CPNE4: variants seen among roughly 807,000 people sequenced by gnomAD.
The protein encoded by CPNE4 is copine-4.
Under a neutral mutation model 67.9 loss-of-function variants are expected in CPNE4, and 25 were observed. The ratio of observed to expected loss-of-function variants is 0.37; its 90% confidence interval spans 0.27 to 0.51. CPNE4 has a LOEUF of 0.51. Among genes scored for constraint, CPNE4 ranks in the 20% least tolerant of loss-of-function variants. The pLI, the probability that CPNE4 is intolerant of heterozygous loss-of-function variation, is 0.93. For missense variants in CPNE4, 464 were observed against 690.8 expected (o/e 0.67, Z 3.68); for synonymous variants, 242 against 244.9 (o/e 0.99, Z 0.11).
chr3:131,777,935 A>G (rs542493028), intron 2 of CPNE4, among the ~76,000 whole-genome samples: 54 of 152,096 alleles, frequency 3.6e-4, no homozygotes, highest in Non-Finnish European at 6.9e-4. Flanking sequence ...CAGCTCTGGC[A>G]TCAGGTAGGA....
At chr3:131,555,388 TACTG>T (rs1936405898) in intron 12 of CPNE4, 105 bp downstream of exon 12, 2 of 902,318 alleles carry the variant, frequency 2.2e-6, no homozygotes, top group African/African-American at 3.3e-5. Context: ...CTGTAGGCCC[TACTG>T]ACACAGTTAG....
intron 2 of CPNE4, among the ~76,000 whole-genome samples, chr3:131,848,978 A>AAAC (rs2086123526): frequency 6.9e-6 from 1 of 143,922 alleles, no homozygotes; most frequent in South Asian, 2.3e-4. Flanking sequence ...AAAAAAAAAA[A>AAAC]AAAACACAGA....
chr3:131,846,714 T>C (rs917259642), intron 2 of CPNE4, among the ~76,000 whole-genome samples: 18 of 152,230 alleles, frequency 1.2e-4, no homozygotes, highest in African/African-American at 4.3e-4. Context: ...CTGTTCAGTT[T>C]TCTGGTTCAG....
intron 1 of CPNE4, among the ~76,000 whole-genome samples, chr3:131,978,643 C>G (rs920800441): frequency 1.4e-5 from 2 of 138,562 alleles, no homozygotes; most frequent in Non-Finnish European, 3.0e-5. Context: ...GTTAAAGAAC[C>G]AGCTTTTTGT....
At chr3:131,629,302 C>T (rs141487553) in intron 7 of CPNE4, among the ~76,000 whole-genome samples, 172 of 152,208 alleles carry the variant, frequency 1.1e-3, no homozygotes, top group African/African-American at 4.0e-3. Context: ...ATATCACCCT[C>T]CACCAGCAAA....
chr3:132,019,327 T>C (rs2073946654), intron 1 of CPNE4, among the ~76,000 whole-genome samples: 1 of 152,202 alleles, frequency 6.6e-6, no homozygotes, highest in Admixed American at 6.5e-5. Context: ...AAAAAACTTC[T>C]ACACTAAGAC....
intron 1 of CPNE4, among the ~76,000 whole-genome samples, chr3:132,000,254 T>C (rs545453103): frequency 7.9e-5 from 12 of 152,024 alleles, no homozygotes; most frequent in African/African-American, 2.9e-4. Flanking sequence ...ATAGACAAAT[T>C]TGGATTCAGC....
intron 1 of CPNE4, among the ~76,000 whole-genome samples, chr3:132,028,798 A>G (rs1371213077): frequency 6.6e-6 from 1 of 150,796 alleles, no homozygotes; most frequent in African/African-American, 2.4e-5. Context: ...GTAAGTATAA[A>G]AATACATGCT....
At chr3:131,914,937 C>T (rs2089129968) in intron 1 of CPNE4, among the ~76,000 whole-genome samples, 1 of 152,168 alleles carries the variant, frequency 6.6e-6, no homozygotes, top group Non-Finnish European at 1.5e-5. Context: ...GATTGCGCCA[C>T]TGCACTCCAG....
chr3:131,768,536 T>A (rs1157121239), intron 2 of CPNE4, among the ~76,000 whole-genome samples: 1 of 152,154 alleles, frequency 6.6e-6, no homozygotes, highest in Non-Finnish European at 1.5e-5. Flanking sequence ...GACTTTGAAC[T>A]GGCTGAGATT....
At chr3:131,642,103 A>C (rs1222169372) in intron 7 of CPNE4, among the ~76,000 whole-genome samples, 1 of 152,152 alleles carries the variant, frequency 6.6e-6, no homozygotes, top group African/African-American at 2.4e-5. Flanking sequence ...AGAAATCACC[A>C]CTAAAGAATT....
chr3:131,588,272 G>A (rs757194109), intron 7 of CPNE4, among the ~76,000 whole-genome samples: 4 of 152,094 alleles, frequency 2.6e-5, no homozygotes, highest in South Asian at 2.1e-4. Context: ...TTCAGCTCTC[G>A]AGTGATACTT....
At chr3:131,773,156 T>C (rs1249361374) in intron 2 of CPNE4, among the ~76,000 whole-genome samples, 2 of 151,982 alleles carry the variant, frequency 1.3e-5, no homozygotes, top group African/African-American at 2.4e-5. Flanking sequence ...CCAAATGAGG[T>C]AGTATAATAA....
chr3:131,535,270 G>A lies in CPNE4; in HGVS notation c.1599C>T (p.Asp533=), dbSNP rs774657683. The change falls in exon 16 of 16, where the codon GAC becomes GAT. Residue 533 remains aspartate, a synonymous_variant. Transcript: ENST00000429747. Reference sequence around the variant, plus strand: ...GTTTAATTCCTTTGCCATTGTAATAGTCCACAACTTGGTTTGGGACTTCAG... The same window carrying A: ...GTTTAATTCCTTTGCCATTGTAATAATCCACAACTTGGTTTGGGACTTCAG... ...VLAEVPNQVV[D]YYNGKGIKPK... 3 of 1,613,878 alleles carry A rather than the reference G, an allele frequency of 1.9e-6. No individual in the cohort carries two copies. The highest frequency in any genetic ancestry group is 2.2e-5 in the East Asian group (1 of 44,862).
In CPNE4 at chr3:132,013,251, T is replaced by C. The variant is rs562854517; in HGVS notation, c.-2+21316A>G. 1.6e-4 allele frequency among the ~76,000 whole-genome samples: 24 copies of C among 152,232 alleles called. No homozygotes were observed. The South Asian group carries it at 2.1e-3, about 13-fold the overall frequency. On this transcript the variant is annotated intron_variant, in intron 1 of 15. Coordinates refer to ENST00000429747, the MANE Select transcript of CPNE4 (RefSeq NM_130808.3). ...AATAAAAGAAAATAAAAAGAATTCATGTATCTTGTATTTATTTAGGCAATT... is the reference window on the plus strand; with the variant it reads ...AATAAAAGAAAATAAAAAGAATTCACGTATCTTGTATTTATTTAGGCAATT...
At position 131,699,919 on chromosome 3, in the gene CPNE4, G is replaced by T. The variant is rs1434306914; in HGVS notation, c.422C>A (p.Ser141Tyr). 1 of 1,613,130 alleles carries T rather than the reference G, an allele frequency of 6.2e-7. No individual in the cohort carries two copies. The highest frequency in any genetic ancestry group is 8.5e-7 in the Non-Finnish European group (1 of 1,179,400). The change falls in exon 4 of 16, where the codon TCT becomes TAT. Residue 141 changes from serine to tyrosine, a missense_variant. This residue lies in a region of CPNE4 where 170 missense variants were observed against 203.3 expected (regional missense o/e 0.84). Transcript: ENST00000429747. ...GGAGTGCCTGCTTACCGTGATGGAA[G>T]ATTTCCCTGCTGTGTTCCCATGCTT... ...LLKHGNTAGK[S>Y]SITVIAEELS...
At chr3:131,788,307 G>A (rs1027892589) in intron 2 of CPNE4, among the ~76,000 whole-genome samples, 2 of 151,980 alleles carry the variant, frequency 1.3e-5, no homozygotes, top group Non-Finnish European at 2.9e-5. Flanking sequence ...TATGCATGCT[G>A]ATTAATTAAT....
chr3:131,746,223 C>T (rs764205085), intron 2 of CPNE4, among the ~76,000 whole-genome samples: 5 of 152,084 alleles, frequency 3.3e-5, no homozygotes, highest in South Asian at 2.1e-4. Context: ...ATAATCAAAC[C>T]ATGGTAATTA....
chr3:131,945,116 A>C (rs1267495547), intron 1 of CPNE4, among the ~76,000 whole-genome samples: 1 of 152,174 alleles, frequency 6.6e-6, no homozygotes, highest in African/African-American at 2.4e-5. Context: ...TCTGTCTCTG[A>C]GCCACAGTTT....
Sources: allele counts gnomAD v4.1 joint callset (sites outside exome capture counted in the v4.1 genomes callset), GRCh38; gene constraint gnomAD v4.1.1; regional missense constraint gnomAD v4.1.1; transcripts MANE v1.5; gene names NCBI Gene and HGNC (gene_info 2026-07-23, HGNC 2026-07-21).